Variants in OGDH observed in about 807,000 individuals in gnomAD.
OGDH encodes the protein 2-oxoglutarate dehydrogenase complex component E1.
A neutral mutation model predicts 116.6 loss-of-function variants in OGDH; 38 were observed. The observed-to-expected ratio is 0.33, with a 90% CI of 0.25 to 0.43. The LOEUF (loss-of-function observed/expected upper bound fraction) is 0.43. Ranked by LOEUF, OGDH falls within the 20% of genes least tolerant of loss-of-function variation. The probability of loss-of-function intolerance (pLI) is 1.00; values close to 1 mark genes in which losing one functional copy is unlikely to be tolerated. For synonymous variants in OGDH, 488 were observed against 533.3 expected, an observed-to-expected ratio of 0.92 and a Z score of 1.17; for missense variants, 825 against 1,357.2, an observed-to-expected ratio of 0.61 and a Z score of 6.16.
chr7:44,702,679 AC>A (rs1788888414), intron 20 of OGDH, among the ~76,000 whole-genome samples: 3 of 151,498 alleles, frequency 2.0e-5, no homozygotes, highest in Non-Finnish European at 4.4e-5. Context: ...TGCAAGCTCC[AC>A]CTCCCGGGTT....
intron 1 of OGDH, among the ~76,000 whole-genome samples, chr7:44,621,768 A>T (rs1419740296): frequency 6.6e-6 from 1 of 151,990 alleles, no homozygotes; most frequent in Non-Finnish European, 1.5e-5. Flanking sequence ...GCTACTCGGG[A>T]GGCTGAGGCA....
chr7:44,623,408 A>C (rs1288188462), intron 1 of OGDH, among the ~76,000 whole-genome samples: 2 of 152,208 alleles, frequency 1.3e-5, no homozygotes, highest in Non-Finnish European at 2.9e-5. Context: ...ATTGAGAGTA[A>C]GGAAAGTATT....
rs1787641119 is a variant in OGDH at position 44,675,227 on chromosome 7, ATCT to A, written c.989_991del (p.Phe330del). On this transcript the variant is annotated inframe_deletion, in exon 8 of 23. Coordinates refer to ENST00000222673, the MANE Select transcript of OGDH (RefSeq NM_002541.4). Reference sequence around the variant, plus strand: ...TGTCATCAGGAAGGAGCTGGAACAGATCTTCTGTCAATTCGATTCAAAGCTGGA... The same window carrying A: ...TGTCATCAGGAAGGAGCTGGAACAGATCTGTCAATTCGATTCAAAGCTGGA... 6.2e-7 allele frequency: 1 copy of A among 1,614,190 alleles called. No homozygotes were observed. The highest frequency in any genetic ancestry group is 8.5e-7 in the Non-Finnish European group (1 of 1,180,018).
chr7:44,683,710 T>G (rs150280093), intron 10 of OGDH, among the ~76,000 whole-genome samples: 294 of 152,354 alleles, frequency 1.9e-3, no homozygotes, highest in African/African-American at 6.8e-3. Context: ...TATAACTTGT[T>G]TCATAAAATG....
intron 4 of OGDH, among the ~76,000 whole-genome samples, chr7:44,650,591 A>G (rs1786394697): frequency 6.6e-6 from 1 of 152,234 alleles, no homozygotes; most frequent in Non-Finnish European, 1.5e-5. Context: ...TAATAAGATA[A>G]ATTCAGAAAC....
chr7:44,693,399 G>A (rs1788448589), intron 10 of OGDH, among the ~76,000 whole-genome samples: 5 of 151,552 alleles, frequency 3.3e-5, no homozygotes, highest in Admixed American at 3.3e-4. Context: ...TTAGGCCCAG[G>A]AGTTTGAGGC....
chr7:44,626,331 A>ACACC (rs1485837073), intron 2 of OGDH, among the ~76,000 whole-genome samples: 1,421 of 119,734 alleles, frequency 0.012, 24 homozygotes, highest in African/African-American at 0.042. Context: ...ACACACACAC[A>ACACC]CCCCTACACA....
intron 1 of OGDH, among the ~76,000 whole-genome samples, chr7:44,612,699 C>T (rs1166602854): frequency 6.7e-6 from 1 of 149,466 alleles, no homozygotes; most frequent in Non-Finnish European, 1.5e-5. Flanking sequence ...CTTCATTATA[C>T]TTATTTATTA....
chr7:44,675,060 A>C, intron 7 of OGDH, 118 bp from the exon 8 acceptor site: 2 of 781,222 alleles, frequency 2.6e-6, no homozygotes, highest in Non-Finnish European at 2.2e-6. Context: ...CTTGGGCTGC[A>C]AACCGAGGAG....
At chr7:44,633,738 A>G (rs1371773515) in intron 2 of OGDH, among the ~76,000 whole-genome samples, 1 of 152,194 alleles carries the variant, frequency 6.6e-6, no homozygotes, top group Non-Finnish European at 1.5e-5. Context: ...TCCCCCAAAT[A>G]GGGTTGCATA....
intron 4 of OGDH, among the ~76,000 whole-genome samples, chr7:44,654,590 C>G (rs1183334339): frequency 6.6e-6 from 1 of 152,158 alleles, no homozygotes; most frequent in Non-Finnish European, 1.5e-5. Context: ...CTGTGTGCCA[C>G]AGATAACCGA....
chr7:44,624,362 T>C lies in OGDH; in HGVS notation c.19T>C (p.Cys7Arg). 1 of 1,610,588 alleles carries C rather than the reference T, an allele frequency of 6.2e-7. No homozygotes were observed. The highest frequency in any genetic ancestry group is 8.5e-7 in the Non-Finnish European group (1 of 1,179,224). The change falls in exon 2 of 23, where the codon TGT becomes CGT. Residue 7 changes from cysteine to arginine, a missense_variant. Cys to Arg is a radical substitution (Grantham distance 180). Coordinates refer to ENST00000222673, the MANE Select transcript of OGDH (RefSeq NM_002541.4). MFHLRT[C>R]AAKLRPLTAS... ...GACAAAAATGTTTCATTTAAGGACTTGTGCTGCTAAGTTGAGGCCATTGAC... is the reference window on the plus strand; with the variant it reads ...GACAAAAATGTTTCATTTAAGGACTCGTGCTGCTAAGTTGAGGCCATTGAC...
Position 44,647,650 on chromosome 7 carries a change from C to T in OGDH, c.415-7C>T. 6.2e-7 allele frequency: 1 copy of T among 1,611,592 alleles called. No individual in the cohort carries two copies. ...TGTCCTTCCCTCTCATCGTTGGCCA[C>T]TCATAGATACGAGGGCACCATGTAG... On this transcript the variant is annotated splice_polypyrimidine_tract_variant and splice_region_variant and intron_variant, in intron 3 of 22. Transcript: ENST00000222673.
intron 5 of OGDH, among the ~76,000 whole-genome samples, chr7:44,671,935 G>A (rs1787478145): frequency 6.6e-6 from 1 of 151,970 alleles, no homozygotes; most frequent in Non-Finnish European, 1.5e-5. Context: ...CGGGTGTGGT[G>A]GCGGGCGCCT....
At chr7:44,626,159 GA>G (rs1207026489) in intron 2 of OGDH, among the ~76,000 whole-genome samples, 1 of 152,154 alleles carries the variant, frequency 6.6e-6, no homozygotes, top group Non-Finnish European at 1.5e-5. Context: ...TTTTCTGTAA[GA>G]AATCTGTAGT....
chr7:44,613,610 C>T (rs897497129), intron 1 of OGDH, among the ~76,000 whole-genome samples: 2 of 152,062 alleles, frequency 1.3e-5, no homozygotes, highest in African/African-American at 2.4e-5. Flanking sequence ...CCACCCGTCT[C>T]GGCCTCCCAA....
intron 18 of OGDH, among the ~76,000 whole-genome samples, chr7:44,698,701 C>T (rs1040950648): frequency 1.3e-5 from 2 of 151,946 alleles, no homozygotes; most frequent in African/African-American, 2.4e-5. Context: ...AGTAGCTGGG[C>T]GTGATGGTGC....
intron 20 of OGDH, among the ~76,000 whole-genome samples, chr7:44,702,726 G>A (rs941391267): frequency 6.6e-6 from 1 of 152,122 alleles, no homozygotes; most frequent in African/African-American, 2.4e-5. Context: ...CCAAGTAGCT[G>A]GGACTGCAGG....
chr7:44,656,202 G>T, intron 4 of OGDH: 2 of 967,026 alleles, frequency 2.1e-6, no homozygotes, highest in Non-Finnish European at 3.2e-6. Context: ...TGGTGTCTGT[G>T]CTACCTGTTA....
Sources: allele counts gnomAD v4.1 joint callset (sites outside exome capture counted in the v4.1 genomes callset), GRCh38; gene constraint gnomAD v4.1.1; transcripts MANE v1.5; gene names NCBI Gene and HGNC (gene_info 2026-07-23, HGNC 2026-07-21).